The following NRF1 variants were observed in gnomAD, a reference collection of about 807,000 sequenced individuals.
NRF1 encodes nuclear respiratory factor 1.
A neutral mutation model predicts 58.5 loss-of-function variants in NRF1; 5 were observed. The observed-to-expected ratio is 0.09, with a 90% CI of 0.04 to 0.18. NRF1 has a LOEUF of 0.18. NRF1 is among the 10% of genes least tolerant of loss of function. The pLI, the probability that NRF1 is intolerant of heterozygous loss-of-function variation, is 1.00. For missense variants in NRF1, 288 were observed against 657.7 expected, an observed-to-expected ratio of 0.44 and a Z score of 6.15; for synonymous variants, 224 against 246.7, an observed-to-expected ratio of 0.91 and a Z score of 0.86.
intron 5 of NRF1, among the ~76,000 whole-genome samples, chr7:129,698,377 C>T (rs1802747116): frequency 6.6e-6 from 1 of 151,518 alleles, no homozygotes. Flanking sequence ...CTACATAGCT[C>T]TATGATATTT....
intron 10 of NRF1, among the ~76,000 whole-genome samples, chr7:129,732,286 T>C (rs1803598974): frequency 6.6e-6 from 1 of 152,262 alleles, no homozygotes. Context: ...TGAGATCTTA[T>C]TGCAGATTTA....
chr7:129,666,775 C>T (rs1240490273), intron 2 of NRF1, among the ~76,000 whole-genome samples: 1 of 152,168 alleles, frequency 6.6e-6, no homozygotes, highest in African/African-American at 2.4e-5. Context: ...AAGTGATCTG[C>T]CTACCCCAGC....
intron 5 of NRF1, among the ~76,000 whole-genome samples, chr7:129,704,223 C>G (rs1432161227): frequency 6.6e-6 from 1 of 152,046 alleles, no homozygotes; most frequent in Non-Finnish European, 1.5e-5. Flanking sequence ...TCCAAATGAT[C>G]AATTTGTTCC....
At chr7:129,638,467 C>A (rs1349431281) in intron 1 of NRF1, among the ~76,000 whole-genome samples, 1 of 152,160 alleles carries the variant, frequency 6.6e-6, no homozygotes, top group South Asian at 2.1e-4. Flanking sequence ...TGCAGGACAT[C>A]CATTGTGGCC....
intron 5 of NRF1, among the ~76,000 whole-genome samples, chr7:129,708,642 A>G (rs1419225291): frequency 6.6e-6 from 1 of 152,210 alleles, no homozygotes; most frequent in African/African-American, 2.4e-5. Context: ...ATCTATAAAT[A>G]ATAATGATTT....
At chr7:129,657,910 C>A (rs527256028) in intron 2 of NRF1, among the ~76,000 whole-genome samples, 1 of 152,246 alleles carries the variant, frequency 6.6e-6, no homozygotes, top group South Asian at 2.1e-4. Context: ...TATGCCTGGC[C>A]TTTATCACAA....
At chr7:129,695,585 A>AC (rs1451819264) in intron 5 of NRF1, among the ~76,000 whole-genome samples, 2 of 150,948 alleles carry the variant, frequency 1.3e-5, no homozygotes, top group South Asian at 2.1e-4. Context: ...CAAAAAAAAA[A>AC]AAACAAAAAA....
intron 5 of NRF1, among the ~76,000 whole-genome samples, chr7:129,704,962 A>G (rs1802914739): frequency 1.3e-5 from 2 of 152,192 alleles, no homozygotes; most frequent in Admixed American, 1.3e-4. Context: ...GTGGATGCTT[A>G]AAGCATCTAC....
chr7:129,680,750 C>G (rs1471982586), intron 4 of NRF1, among the ~76,000 whole-genome samples: 1 of 152,118 alleles, frequency 6.6e-6, no homozygotes, highest in Non-Finnish European at 1.5e-5. Flanking sequence ...ATAGATAAAT[C>G]TTATTTATAG....
intron 9 of NRF1, among the ~76,000 whole-genome samples, chr7:129,721,020 A>G (rs761098832): frequency 5.9e-5 from 9 of 151,778 alleles, no homozygotes; most frequent in Non-Finnish European, 1.3e-4. Flanking sequence ...ATATAATACC[A>G]TATATATGTA....
chr7:129,653,943 G>C (rs985953691), intron 1 of NRF1, among the ~76,000 whole-genome samples: 1 of 152,188 alleles, frequency 6.6e-6, no homozygotes, highest in Non-Finnish European at 1.5e-5. Context: ...TCCATGTGCA[G>C]GTTTTTATGT....
intron 1 of NRF1, among the ~76,000 whole-genome samples, chr7:129,642,388 TA>T (rs1801311146): frequency 6.6e-6 from 1 of 152,230 alleles, no homozygotes; most frequent in Non-Finnish European, 1.5e-5. Context: ...AAATTGGAAA[TA>T]ACCTAAATGA....
chr7:129,654,965 G>C (rs1329827947), intron 1 of NRF1, among the ~76,000 whole-genome samples: 1 of 152,116 alleles, frequency 6.6e-6, no homozygotes, highest in Non-Finnish European at 1.5e-5. Flanking sequence ...GTAAACTTTA[G>C]TGTCAGTTGG....
At chr7:129,630,359 TA>T (rs1416947515) in intron 1 of NRF1, among the ~76,000 whole-genome samples, 2 of 152,212 alleles carry the variant, frequency 1.3e-5, no homozygotes, top group African/African-American at 4.8e-5. Context: ...TGGGTCCTAT[TA>T]ATGAGTCTTC....
chr7:129,725,966 A>T (rs939395849), intron 9 of NRF1, among the ~76,000 whole-genome samples: 6 of 152,056 alleles, frequency 3.9e-5, no homozygotes, highest in Admixed American at 3.3e-4. Flanking sequence ...GGTAAAGGAG[A>T]CTGTATTGAG....
chr7:129,667,771 AT>A (rs1801955317), intron 2 of NRF1, among the ~76,000 whole-genome samples: 2 of 146,690 alleles, frequency 1.4e-5, no homozygotes, highest in East Asian at 2.0e-4. Context: ...TTATTTATTT[AT>A]TTATTTATTT....
In NRF1 at chr7:129,619,440, A is replaced by ACG. The variant is rs1348004548; in HGVS notation, c.-7+7617_-7+7618insGC. Among the ~76,000 whole-genome samples the ACG allele has an allele frequency of 1.8e-5, 2 of 110,262 alleles. 1 individual carries two copies. Among genetic ancestry groups the ACG allele is most frequent in the African/African-American group, 8.4e-5 (2 of 23,790 alleles). The allele number at this position is 110,262 out of a possible 152,430, so 72.3% of individuals were successfully genotyped here. A position where few individuals can be genotyped will look rare whatever the true frequency, so the allele number is the denominator to read the frequency against. Reference sequence around the variant, plus strand: ...TATATATATATATATATATACACACACACACACATATATATACACGTGTGT... The same window carrying ACG: ...TATATATATATATATATATACACACACGCACACACATATATATACACGTGTGT... On this transcript the variant is annotated intron_variant, in intron 1 of 10. Transcript: ENST00000393232.
At chr7:129,731,271 GAA>G (rs10708899) in intron 10 of NRF1, among the ~76,000 whole-genome samples, 193 of 122,842 alleles carry the variant, frequency 1.6e-3, no homozygotes, top group African/African-American at 3.5e-3. Context: ...ACTCCGTCTT[GAA>G]AAAAAAAAAA....
rs151077421 is a variant in NRF1, at chr7:129,697,892, G to A, written c.606+7346G>A. ...TTGGATTACAGGCGGACGCCACCAC[G>A]CTAGGTTAATTTTTTGTATTTTTAG... is the stretch of plus-strand genomic sequence containing the variant. On this transcript the variant is annotated intron_variant, in intron 5 of 10. Transcript: ENST00000393232. 4.6e-3 allele frequency among the ~76,000 whole-genome samples: 693 copies of A among 151,944 alleles called. 3 individuals carry two copies. The highest frequency in any genetic ancestry group is 0.016 in the African/African-American group (655 of 41,470).
Sources: allele counts gnomAD v4.1 joint callset (sites outside exome capture counted in the v4.1 genomes callset), GRCh38; gene constraint gnomAD v4.1.1; transcripts MANE v1.5; gene names NCBI Gene and HGNC (gene_info 2026-07-23, HGNC 2026-07-21).